Variants in BTNL9 observed in about 807,000 individuals in gnomAD.
BTNL9 encodes the protein butyrophilin like 9.
In BTNL9, 45 loss-of-function variants were observed where a neutral mutation model predicts 45.8. The ratio of observed to expected loss-of-function variants is 0.98; its 90% confidence interval spans 0.77 to 1.26. BTNL9 has a LOEUF of 1.26. Among genes scored for constraint, BTNL9 ranks in the 50% most tolerant of loss-of-function variants. The pLI is 0.00. For synonymous variants in BTNL9, 346 were observed against 330.8 expected, an observed-to-expected ratio of 1.05 and a Z score of -0.50; for missense variants, 784 against 729.7, an observed-to-expected ratio of 1.07 and a Z score of -0.86.
In BTNL9 at chr5:181,045,743, C is replaced by T. The variant is rs921411283; in HGVS notation, c.109+145C>T. ...ACTTCCATCCTGGTTGTTAAAGAGC[C>T]ACTACCCCGAGCATTACCCAGCCTG... On this transcript the variant is annotated intron_variant, in intron 2 of 10. Transcript: ENST00000327705. 5 of 665,272 alleles carry T rather than the reference C, an allele frequency of 7.5e-6. No homozygotes were observed. The African/African-American group carries it at 9.0e-5, about 12-fold the overall frequency. 41.2% of individuals were successfully genotyped at this position (665,272 alleles called of 1,614,324 possible). A position where few individuals can be genotyped will look rare whatever the true frequency, so the allele number is the denominator to read the frequency against.
chr5:181,052,968 G>C (rs1318754019), intron 4 of BTNL9: 1 of 146,104 alleles, frequency 6.8e-6, no homozygotes, highest in Non-Finnish European at 1.5e-5. Flanking sequence ...AGCCGGGCTG[G>C]GGCGCGGTTC....
At chr5:181,048,748 T>TATATAG (rs140960289) in intron 3 of BTNL9, among the ~76,000 whole-genome samples, 62,081 of 130,364 alleles carry the variant, frequency 0.48, 15,744 homozygotes, top group African/African-American at 0.51. Flanking sequence ...TCTATCTATA[T>TATATAG]ATATAGATAT....
In BTNL9 at chr5:181,060,171, G is replaced by C. The variant is rs1279321324; in HGVS notation, c.*309G>C. ...AGAAGCCAGCATGGAAGAAAGAAGG[G>C]AGAAAACTTTGGTGACTGCCTTAGA... On this transcript the variant is annotated 3_prime_UTR_variant, in exon 11 of 11. Coordinates refer to ENST00000327705, the MANE Select transcript of BTNL9 (RefSeq NM_152547.5). 2.5e-6 allele frequency: 1 copy of C among 404,262 alleles called. No homozygotes were observed. The highest frequency in any genetic ancestry group is 2.0e-5 in the African/African-American group (1 of 49,128). 25.0% of individuals were successfully genotyped at this position (404,262 alleles called of 1,614,324 possible). A position where few individuals can be genotyped will look rare whatever the true frequency, so the allele number is the denominator to read the frequency against.
In BTNL9 at chr5:181,054,275, G is replaced by C; in HGVS notation, c.907+16G>C. 6.2e-7 allele frequency: 1 copy of C among 1,610,626 alleles called. No individual in the cohort carries two copies. The highest frequency in any genetic ancestry group is 1.1e-5 in the South Asian group (1 of 90,910). ...GCAGAGCTGGGTAAGTTCTGGGTGC[G>C]GGGCCACAGTGCTGCCTGTCAGCCG... is the stretch of plus-strand genomic sequence containing the variant. On this transcript the variant is annotated intron_variant, in intron 7 of 10. Transcript: ENST00000327705.
intron 3 of BTNL9, 138 bp from the exon 4 acceptor site, chr5:181,049,950 C>T (rs2113201214): frequency 8.7e-7 from 1 of 1,149,322 alleles, no homozygotes; most frequent in Non-Finnish European, 1.2e-6. Context: ...GCGGGGAGCG[C>T]CAAGCCCACA....
At chr5:181,051,565 A>G (rs1761541861) in intron 4 of BTNL9, among the ~76,000 whole-genome samples, 1 of 152,206 alleles carries the variant, frequency 6.6e-6, no homozygotes. Context: ...AGCATGTGAT[A>G]CGTCTAGGGC....
At position 181,056,127 on chromosome 5, in the gene BTNL9, C is replaced by T. The variant is rs1238852111; in HGVS notation, c.955+112C>T. 6 of 1,220,292 alleles carry T rather than the reference C, an allele frequency of 4.9e-6. No homozygotes were observed. The Admixed American group carries it at 1.0e-4, about 21-fold the overall frequency. 75.6% of individuals were successfully genotyped at this position (1,220,292 alleles called of 1,614,324 possible). On this transcript the variant is annotated intron_variant, in intron 9 of 10. Transcript: ENST00000327705. The stretch of plus-strand genomic sequence containing the variant: ...ATTCTGGTTGCATTCCGTGGCCTCA[C>T]ACAGCATGTGTTAATCTATGTCACT...
At chr5:181,054,337 T>C (rs1761761339) in intron 7 of BTNL9, 78 bp downstream of exon 7, 4 of 1,588,860 alleles carry the variant, frequency 2.5e-6, no homozygotes, top group Middle Eastern at 2.4e-4. Flanking sequence ...GGGGCTCCCT[T>C]TGGACAGCGG....
rs1236021088 is a variant in BTNL9, at chr5:181,053,510, G to A, written c.886+9G>A. ...GGCGGAGAAGAGACAAGGTGAGCGG[G>A]GACAGGGCGTTCTGCACGCACCTGC... On this transcript the variant is annotated intron_variant, in intron 6 of 10. Transcript: ENST00000327705. This position sits in a 1 kb window ranked among gnomAD's most constrained non-coding sequence, Gnocchi z 6.5. The A allele has an allele frequency of 5.1e-6, 8 of 1,576,090 alleles. No homozygotes were observed. The highest frequency in any genetic ancestry group is 2.7e-5 in the African/African-American group (2 of 74,386).
intron 9 of BTNL9, among the ~76,000 whole-genome samples, chr5:181,057,981 G>A (rs970453133): frequency 2.0e-5 from 3 of 152,210 alleles, no homozygotes; most frequent in Non-Finnish European, 4.4e-5. Context: ...TTTGGGACCC[G>A]TCAGGCTCAG....
chr5:181,058,170 A>G (rs1439571559), intron 9 of BTNL9, among the ~76,000 whole-genome samples, 182 bp from the exon 10 acceptor site: 2 of 152,196 alleles, frequency 1.3e-5, no homozygotes, highest in Admixed American at 6.5e-5. Flanking sequence ...TACTCAATCT[A>G]AAATTTCTCA....
chr5:181,059,220 G>T lies in BTNL9; in HGVS notation c.983-17G>T. 4 of 1,521,040 alleles carry T rather than the reference G, an allele frequency of 2.6e-6. No homozygotes were observed. The highest frequency in any genetic ancestry group is 1.7e-6 in the Non-Finnish European group (2 of 1,143,158). The allele number at this position is 1,521,040 out of a possible 1,614,324, so 94.2% of individuals were successfully genotyped here. A position where few individuals can be genotyped will look rare whatever the true frequency, so the allele number is the denominator to read the frequency against. ...CAGACCGTCCCGGGCGGGCACTAAC[G>T]CTGTGGCTCTGCGCAGTGGATGTGA... On this transcript the variant is annotated splice_polypyrimidine_tract_variant and intron_variant, in intron 10 of 10. Transcript: ENST00000327705.
chr5:181,054,483 A>G, intron 7 of BTNL9: 3 of 985,464 alleles, frequency 3.0e-6, no homozygotes, highest in Non-Finnish European at 3.6e-6. Flanking sequence ...CCTCCCCTGC[A>G]AATTAGACAA....
chr5:181,054,836 A>T, intron 7 of BTNL9: 1 of 985,470 alleles, frequency 1.0e-6, no homozygotes, highest in Non-Finnish European at 1.2e-6. Flanking sequence ...AGAAAAACAT[A>T]GCCCTAATAA....
rs991408072 is a variant in BTNL9 at position 181,042,984 on chromosome 5, C to G, written c.-23-2483C>G. On this transcript the variant is annotated intron_variant, in intron 1 of 10. Transcript: ENST00000327705. The surrounding 1 kb of genome is among the most constrained non-coding windows in gnomAD (Gnocchi z 4.5). ...GAAGTGCAGAGCGAGGCTCTGGAAC[C>G]AGACAGTGGGTGGAACCCCACCCCA... Among the ~76,000 whole-genome samples, 1 of 152,088 alleles carries G rather than the reference C, an allele frequency of 6.6e-6. No homozygotes were observed. Among genetic ancestry groups the G allele is most frequent in the Admixed American group, 6.5e-5 (1 of 15,274 alleles).
chr5:181,056,164 A>C (rs1354932121), intron 9 of BTNL9, 149 bp downstream of exon 9: 1 of 941,496 alleles, frequency 1.1e-6, no homozygotes, highest in Non-Finnish European at 1.7e-6. Context: ...GGTAGAGGTC[A>C]TACTCTGTCC....
chr5:181,051,078 C>CA lies in BTNL9; in HGVS notation c.736+719dup, dbSNP rs1399289272. Among the ~76,000 whole-genome samples, 303 of 44,526 alleles carry CA rather than the reference C, an allele frequency of 6.8e-3. 1 individual carries two copies. Among genetic ancestry groups the CA allele is most frequent in the African/African-American group, 8.6e-3 (101 of 11,730 alleles). 29.2% of individuals were successfully genotyped at this position (44,526 alleles called of 152,430 possible). On this transcript the variant is annotated intron_variant, in intron 4 of 10. Transcript: ENST00000327705. ...TGGGCAACAGAGCGAGAATCCGTCT[C>CA]AAAAAAAAAACAAAAAAAAAAAAAA...
chr5:181,054,568 A>C, intron 7 of BTNL9: 5 of 985,458 alleles, frequency 5.1e-6, no homozygotes, highest in Non-Finnish European at 6.0e-6. Flanking sequence ...TTTTTAATGC[A>C]AATGGCACTA....
chr5:181,049,226 T>C (rs544690680), intron 3 of BTNL9, among the ~76,000 whole-genome samples: 1 of 152,086 alleles, frequency 6.6e-6, no homozygotes, highest in South Asian at 2.1e-4. Flanking sequence ...TTACTCCACC[T>C]CCGATACCTC....
Sources: allele counts gnomAD v4.1 joint callset (sites outside exome capture counted in the v4.1 genomes callset), GRCh38; gene constraint gnomAD v4.1.1; non-coding constraint Gnocchi (gnomAD v3.1); transcripts MANE v1.5; gene names NCBI Gene and HGNC (gene_info 2026-07-23, HGNC 2026-07-21).